The following LRRC53 variants were observed in gnomAD, a reference collection of about 807,000 sequenced individuals.
LRRC53 encodes the protein leucine rich repeat containing 53, also known as leucine-rich repeat-containing protein 53.
A neutral mutation model predicts 13.6 loss-of-function variants in LRRC53; 25 were observed. The ratio of observed to expected loss-of-function variants is 1.83; its 90% CI spans 1.34 to 2.56. LRRC53 has a LOEUF of 2.56. Among genes scored for constraint, LRRC53 ranks in the 30% most tolerant of loss-of-function variants. The pLI is 0.00. For synonymous variants in LRRC53, 204 were observed against 109.8 expected (o/e 1.86, Z -5.37); for missense variants, 527 against 275.8 (o/e 1.91, Z -6.45).
chr1:74,475,116 C>CACACACACA (rs1668125578), intron 4 of LRRC53, among the ~76,000 whole-genome samples, 179 bp downstream of exon 4: 1 of 135,912 alleles, frequency 7.4e-6, no homozygotes, highest in African/African-American at 2.8e-5. Flanking sequence ...CCACCTCAGC[C>CACACACACA]CACACACACA....
chr1:74,504,629 T>C (rs1237786192), intron 1 of LRRC53, among the ~76,000 whole-genome samples: 2 of 151,926 alleles, frequency 1.3e-5, no homozygotes, highest in Non-Finnish European at 1.5e-5. Context: ...TGTGTAAAAT[T>C]GACACCTTTA....
chr1:74,490,121 C>A (rs1284584127), intron 1 of LRRC53, among the ~76,000 whole-genome samples: 1 of 148,542 alleles, frequency 6.7e-6, no homozygotes, highest in Admixed American at 6.7e-5. Context: ...AAAGGATTTG[C>A]AGTTACAGCC....
intron 1 of LRRC53, among the ~76,000 whole-genome samples, chr1:74,506,531 T>C (rs45556932): frequency 0.02 from 3,033 of 152,288 alleles, 103 homozygotes; most frequent in African/African-American, 0.07. Flanking sequence ...CTTTCTGCCC[T>C]GGGTTTTAGG....
chr1:74,510,683 G>T (rs1670142602), intron 1 of LRRC53, among the ~76,000 whole-genome samples: 1 of 152,146 alleles, frequency 6.6e-6, no homozygotes, highest in Non-Finnish European at 1.5e-5. Flanking sequence ...CTTTGGGAAA[G>T]ACATATATAG....
chr1:74,485,848 C>T (rs933132770), intron 1 of LRRC53, among the ~76,000 whole-genome samples: 3 of 152,150 alleles, frequency 2.0e-5, no homozygotes, highest in Non-Finnish European at 1.5e-5. Flanking sequence ...AGAAAACAGA[C>T]ATGTGTCATA....
rs1194521474 is a variant in LRRC53, at chr1:74,470,608, T to A, written c.3014A>T (p.Asp1005Val). ...TTGTGTTTGGGGAATGAGAGAGGAA[T>A]CATAAGTTTCTGTTTTTGAAAGTTT... is the stretch of plus-strand genomic sequence containing the variant. ...EKKLSKTETY[D>V]SSLIPQTQSK... Residue 1005 changes from aspartate to valine, a missense_variant, in exon 5 of 5, where the codon GAT becomes GTT. Physicochemically the swap from Asp to Val is radical, Grantham distance 152. Transcript: ENST00000294635. The A allele has an allele frequency of 1.0e-5, 4 of 400,602 alleles. No individual in the cohort carries two copies. The highest frequency in any genetic ancestry group is 1.8e-5 in the Non-Finnish European group (4 of 226,186). 24.8% of individuals were successfully genotyped at this position (400,602 alleles called of 1,614,324 possible).
intron 1 of LRRC53, among the ~76,000 whole-genome samples, chr1:74,512,001 A>C (rs975846306): frequency 6.6e-6 from 1 of 152,206 alleles, no homozygotes; most frequent in Non-Finnish European, 1.5e-5. Context: ...TACCCAAGGA[A>C]AATCGGAAGG....
At chr1:74,512,787 T>C (rs1670293242), upstream of LRRC53, among the ~76,000 whole-genome samples, 1 of 152,220 alleles carries the variant, frequency 6.6e-6, no homozygotes, top group Admixed American at 6.5e-5. Context: ...TATACCATTC[T>C]GTCTTCACTG....
chr1:74,530,527 TAAA>T, the LRRC53 span, among the ~76,000 whole-genome samples: 1 of 152,122 alleles, frequency 6.6e-6, no homozygotes, highest in Non-Finnish European at 1.5e-5. Flanking sequence ...AAAATAAAAA[TAAA>T]AATCATCAAA....
At chr1:74,508,178 AATG>A (rs1181643471) in intron 1 of LRRC53, among the ~76,000 whole-genome samples, 6 of 152,246 alleles carry the variant, frequency 3.9e-5, no homozygotes, top group Non-Finnish European at 8.8e-5. Flanking sequence ...ACCTAATGTA[AATG>A]ATGAGTTAAT....
chr1:74,492,399 C>T (rs1417969757), intron 1 of LRRC53: 2 of 1,198,206 alleles, frequency 1.7e-6, no homozygotes, highest in Admixed American at 6.7e-5. Context: ...GTTTTCAGCC[C>T]ATTTTTCTTA....
the LRRC53 span, among the ~76,000 whole-genome samples, chr1:74,525,634 T>C: frequency 6.6e-6 from 1 of 152,224 alleles, no homozygotes; most frequent in Non-Finnish European, 1.5e-5. Context: ...GCTCCTAGTC[T>C]GAAGGAGTGT....
At chr1:74,493,033 T>C (rs1456458483) in intron 1 of LRRC53, among the ~76,000 whole-genome samples, 1 of 152,192 alleles carries the variant, frequency 6.6e-6, no homozygotes, top group Non-Finnish European at 1.5e-5. Flanking sequence ...ATCAGGGCTT[T>C]ACATTTATGA....
rs895779510 is a variant in LRRC53, at chr1:74,471,900, A to G, written c.1722T>C (p.Cys574=). ...CAAATTGCTCACAGGGCACATATTT[A>G]CAGATAAGAGAATTGTTTGGCTGAA... ...RYFQPNNSLI[C]KYVPCEQFED... Residue 574 remains cysteine (C), a synonymous_variant, in exon 5 of 5, where the codon TGT becomes TGC. Coordinates refer to ENST00000294635, the MANE Select transcript of LRRC53 (RefSeq NM_001382280.1). 9 of 504,270 alleles carry G rather than the reference A, an allele frequency of 1.8e-5. No individual in the cohort carries two copies. Among genetic ancestry groups the G allele is most frequent in the Middle Eastern group, 2.8e-4 (1 of 3,626 alleles). The allele number at this position is 504,270 out of a possible 1,614,324, so 31.2% of individuals were successfully genotyped here. A position where few individuals can be genotyped will look rare whatever the true frequency, so the allele number is the denominator to read the frequency against.
At chr1:74,508,292 T>C (rs1670009066) in intron 1 of LRRC53, among the ~76,000 whole-genome samples, 1 of 152,216 alleles carries the variant, frequency 6.6e-6, no homozygotes, top group Admixed American at 6.5e-5. Flanking sequence ...ATAGTAATAA[T>C]AATAGCCATC....
At chr1:74,509,690 T>C (rs922133487) in intron 1 of LRRC53, among the ~76,000 whole-genome samples, 6 of 151,636 alleles carry the variant, frequency 4.0e-5, no homozygotes, top group Admixed American at 2.6e-4. Context: ...TAGAGTGTTG[T>C]GTTTGATTTT....
the LRRC53 span, among the ~76,000 whole-genome samples, chr1:74,527,463 G>A: frequency 1.9e-4 from 29 of 152,326 alleles, 1 homozygote; most frequent in East Asian, 5.4e-3. Flanking sequence ...CTGCCGTAAG[G>A]AGACTCTGAG....
chr1:74,496,701 A>C (rs1036020079), intron 1 of LRRC53, among the ~76,000 whole-genome samples: 1 of 152,184 alleles, frequency 6.6e-6, no homozygotes, highest in African/African-American at 2.4e-5. Flanking sequence ...AATTCCTATC[A>C]AAACCATAAC....
chr1:74,531,317 A>G, the LRRC53 span, among the ~76,000 whole-genome samples: 10 of 152,252 alleles, frequency 6.6e-5, no homozygotes, highest in Non-Finnish European at 1.2e-4. Context: ...CCAGGATGAA[A>G]CCATGAATAA....
Sources: allele counts gnomAD v4.1 joint callset (sites outside exome capture counted in the v4.1 genomes callset), GRCh38; gene constraint gnomAD v4.1.1; transcripts MANE v1.5; gene names NCBI Gene and HGNC (gene_info 2026-07-23, HGNC 2026-07-21).